ADCY8: variants seen among roughly 807,000 people sequenced by gnomAD.
The protein encoded by ADCY8 is adenylate cyclase type 8.
Under a neutral mutation model 119.7 loss-of-function variants are expected in ADCY8, and 51 were observed. The ratio of observed to expected loss-of-function variants is 0.43; its 90% CI spans 0.34 to 0.54. The LOEUF (loss-of-function observed/expected upper bound fraction) is 0.54, where lower values mean the gene tolerates loss of function less well. Among genes scored for constraint, ADCY8 ranks in the 20% least tolerant of loss-of-function variants. The probability of loss-of-function intolerance (pLI) is 0.03; values close to 1 mark genes in which losing one functional copy is unlikely to be tolerated. For synonymous variants in ADCY8, 665 were observed against 651.0 expected, an observed-to-expected ratio of 1.02 and a Z score of -0.33; for missense variants, 1,383 against 1,598.8, an observed-to-expected ratio of 0.87 and a Z score of 2.30.
At chr8:130,927,942 C>A (rs573893575) in intron 5 of ADCY8, among the ~76,000 whole-genome samples, 30 of 152,264 alleles carry the variant, frequency 2.0e-4, no homozygotes, top group African/African-American at 7.2e-4. Flanking sequence ...AATGACAGGG[C>A]CTGCTCTGTT....
At chr8:130,982,854 T>C (rs1265717317) in intron 2 of ADCY8, among the ~76,000 whole-genome samples, 3 of 152,242 alleles carry the variant, frequency 2.0e-5, no homozygotes, top group African/African-American at 7.2e-5. Context: ...TTTTGGATTG[T>C]CTTTAACATC....
chr8:130,899,123 C>T (rs1819508221), intron 7 of ADCY8, among the ~76,000 whole-genome samples: 2 of 152,176 alleles, frequency 1.3e-5, no homozygotes, highest in South Asian at 4.1e-4. Flanking sequence ...CACTGCTTTT[C>T]CTCTGTTTAG....
chr8:130,904,920 C>T (rs1479652857), intron 6 of ADCY8, among the ~76,000 whole-genome samples: 1 of 152,180 alleles, frequency 6.6e-6, no homozygotes, highest in African/African-American at 2.4e-5. Flanking sequence ...TCTGGGTAGA[C>T]TAGCAAGGTA....
chr8:131,013,600 T>G (rs966629822), intron 1 of ADCY8, among the ~76,000 whole-genome samples: 6 of 152,198 alleles, frequency 3.9e-5, no homozygotes. Flanking sequence ...CCATAGCAGA[T>G]GGCAGTGTCA....
At chr8:130,880,724 T>G (rs781680271) in intron 8 of ADCY8, among the ~76,000 whole-genome samples, 7 of 152,164 alleles carry the variant, frequency 4.6e-5, no homozygotes, top group Non-Finnish European at 1.0e-4. Flanking sequence ...GGCCCAAGCC[T>G]TGGGTCACAT....
chr8:130,802,756 G>A (rs1815822186), intron 14 of ADCY8, among the ~76,000 whole-genome samples: 2 of 152,254 alleles, frequency 1.3e-5, no homozygotes, highest in South Asian at 2.1e-4. Context: ...TTTCTTCTCC[G>A]CTAGATGGTG....
intron 2 of ADCY8, among the ~76,000 whole-genome samples, chr8:130,977,819 T>G (rs2130717483): frequency 6.6e-6 from 1 of 152,346 alleles, no homozygotes; most frequent in East Asian, 1.9e-4. Flanking sequence ...GAATTCTCCT[T>G]TTCAGGCTCT....
Position 130,951,944 on chromosome 8 carries a change from C to T in ADCY8, c.1165G>A (p.Asp389Asn), listed in dbSNP as rs983062571. Residue 389 changes from aspartate to asparagine, a missense_variant, in exon 3 of 18, where the codon GAC becomes AAC. Physicochemically the swap from Asp to Asn is conservative, Grantham distance 23. This residue lies in a region of ADCY8 where 928 missense variants were observed against 1,163.5 expected (regional missense o/e 0.80). Transcript: ENST00000286355. ...PRFVVLEMINDMTNVEDEHLQ... is the reference protein window; with the variant it reads ...PRFVVLEMINNMTNVEDEHLQ... ...TGCTCATCTTCCACATTGGTCATGT[C>T]GTTGATCATTTCCAGGACAACAAAC... 12 of 1,613,904 alleles carry T rather than the reference C, an allele frequency of 7.4e-6. No individual in the cohort carries two copies. The highest frequency in any genetic ancestry group is 6.7e-5 in the African/African-American group (5 of 74,876).
chr8:130,847,934 C>G (rs1817383748), intron 10 of ADCY8, among the ~76,000 whole-genome samples: 1 of 152,126 alleles, frequency 6.6e-6, no homozygotes, highest in Non-Finnish European at 1.5e-5. Context: ...CAGAAAGACT[C>G]TTAGCACTGG....
chr8:130,924,351 T>C (rs1261658481), intron 5 of ADCY8, among the ~76,000 whole-genome samples: 2 of 152,158 alleles, frequency 1.3e-5, no homozygotes, highest in African/African-American at 2.4e-5. Context: ...TGCTTATCCA[T>C]GAAGAACAGC....
At chr8:130,951,721 G>A in intron 3 of ADCY8, 147 bp downstream of exon 3, 2 of 951,018 alleles carry the variant, frequency 2.1e-6, no homozygotes, top group Non-Finnish European at 1.5e-6. Flanking sequence ...AGAACTCTCT[G>A]ATGAATAATC....
At chr8:131,038,859 C>T (rs1563777905) in intron 1 of ADCY8, among the ~76,000 whole-genome samples, 1 of 152,172 alleles carries the variant, frequency 6.6e-6, no homozygotes, top group Non-Finnish European at 1.5e-5. Context: ...ACGTACAGTA[C>T]TCAGCACTGA....
intron 5 of ADCY8, among the ~76,000 whole-genome samples, chr8:130,922,522 G>T (rs1330961846): frequency 1.3e-5 from 2 of 152,118 alleles, no homozygotes; most frequent in South Asian, 2.1e-4. Flanking sequence ...GCACAGGGTT[G>T]GGGGTAAGGT....
At chr8:130,946,118 A>C (rs1287222781) in intron 3 of ADCY8, among the ~76,000 whole-genome samples, 1 of 152,226 alleles carries the variant, frequency 6.6e-6, no homozygotes, top group East Asian at 1.9e-4. Flanking sequence ...GCCCAAAGCT[A>C]CTAGTATCCA....
At chr8:130,908,870 T>A (rs183661669) in intron 6 of ADCY8, among the ~76,000 whole-genome samples, 1 of 152,248 alleles carries the variant, frequency 6.6e-6, no homozygotes, top group Admixed American at 6.5e-5. Context: ...GTTTCCCCCA[T>A]GATAACATAT....
intron 8 of ADCY8, among the ~76,000 whole-genome samples, chr8:130,880,342 C>G (rs1349830947): frequency 6.6e-6 from 1 of 152,012 alleles, no homozygotes; most frequent in Admixed American, 6.6e-5. Context: ...TTCTTTTTGC[C>G]TTATACTTAG....
intron 1 of ADCY8, among the ~76,000 whole-genome samples, chr8:131,033,590 TGCAAA>T (rs1398560619): frequency 2.6e-5 from 4 of 151,918 alleles, no homozygotes; most frequent in African/African-American, 9.7e-5. Flanking sequence ...AATTCAATCT[TGCAAA>T]GCACACACTA....
intron 1 of ADCY8, among the ~76,000 whole-genome samples, chr8:131,032,944 T>C (rs773950674): frequency 5.5e-4 from 83 of 152,200 alleles, no homozygotes; most frequent in Non-Finnish European, 2.2e-4. Flanking sequence ...TTCAAACCTA[T>C]GTATCACAGA....
intron 2 of ADCY8, among the ~76,000 whole-genome samples, chr8:130,966,468 A>G (rs1478945737): frequency 6.6e-6 from 1 of 152,212 alleles, no homozygotes; most frequent in Non-Finnish European, 1.5e-5. Context: ...CAGAAAAATG[A>G]AGGGCAGGGC....
Sources: allele counts gnomAD v4.1 joint callset (sites outside exome capture counted in the v4.1 genomes callset), GRCh38; gene constraint gnomAD v4.1.1; regional missense constraint gnomAD v4.1.1; transcripts MANE v1.5; gene names NCBI Gene and HGNC (gene_info 2026-07-23, HGNC 2026-07-21).